SLC22A23: variants seen among roughly 807,000 people sequenced by gnomAD.
SLC22A23 encodes solute carrier family 22 member 23.
A neutral mutation model predicts 61.0 loss-of-function variants in SLC22A23; 26 were observed. That is an observed-to-expected ratio of 0.43 (90% CI 0.31 to 0.59). The LOEUF is 0.59. Among genes scored for constraint, SLC22A23 ranks in the 20% least tolerant of loss-of-function variants. SLC22A23 has a pLI of 0.11. For missense variants in SLC22A23, 796 were observed against 934.7 expected (o/e 0.85, Z 1.94); for synonymous variants, 430 against 413.9 (o/e 1.04, Z -0.47).
chr6:3,323,533 G>T, intron 4 of SLC22A23: 1 of 474,012 alleles, frequency 2.1e-6, no homozygotes, highest in South Asian at 2.0e-5. Flanking sequence ...ATTCATGTCA[G>T]AATAACCCCG....
At chr6:3,451,350 C>G (rs1419689982) in intron 1 of SLC22A23, among the ~76,000 whole-genome samples, 1 of 152,196 alleles carries the variant, frequency 6.6e-6, no homozygotes, top group East Asian at 1.9e-4. Flanking sequence ...GCGTGCGCCA[C>G]CACGCCCAGC....
At chr6:3,369,488 C>G (rs569009467) in intron 3 of SLC22A23, among the ~76,000 whole-genome samples, 1 of 152,166 alleles carries the variant, frequency 6.6e-6, no homozygotes, top group South Asian at 2.1e-4. Context: ...CTGAAGAGTT[C>G]GAGACCAGCC....
intron 9 of SLC22A23, among the ~76,000 whole-genome samples, chr6:3,275,730 G>C (rs749785910): frequency 2.0e-5 from 3 of 152,146 alleles, no homozygotes; most frequent in Non-Finnish European, 4.4e-5. Context: ...CTATAGGCGC[G>C]TGCCACCATG....
At chr6:3,412,092 G>A (rs1025889096) in intron 2 of SLC22A23, among the ~76,000 whole-genome samples, 3 of 152,148 alleles carry the variant, frequency 2.0e-5, no homozygotes, top group Non-Finnish European at 4.4e-5. Flanking sequence ...CAGATGCAAC[G>A]CCTGGCGCAG....
rs781457847 is a variant in SLC22A23, at chr6:3,283,906, G to A, written c.1649C>T (p.Ala550Val). 32 of 1,611,644 alleles carry A rather than the reference G, an allele frequency of 2.0e-5. No individual in the cohort carries two copies. The highest frequency in any genetic ancestry group is 2.7e-5 in the African/African-American group (2 of 74,910). Residue 550 changes from alanine to valine, a missense_variant, in exon 9 of 10, where the codon GCG becomes GTG. Coordinates refer to ENST00000406686, the MANE Select transcript of SLC22A23 (RefSeq NM_015482.2). ...FSIVGMFASH[A>V]VGSLSVFFCA... is the part of the protein sequence containing the mutation. The stretch of plus-strand genomic sequence containing the variant: ...GAAGAACACGCTGAGGCTCCCCACC[G>A]CATGGGAGGCAAACATGCCCACGAT...
intron 3 of SLC22A23, among the ~76,000 whole-genome samples, chr6:3,344,100 A>C (rs1299356295): frequency 6.6e-6 from 1 of 152,220 alleles, no homozygotes; most frequent in Non-Finnish European, 1.5e-5. Flanking sequence ...TACAGTGGTC[A>C]CATATGGCTA....
At chr6:3,404,953 A>C (rs1768695627) in intron 3 of SLC22A23, among the ~76,000 whole-genome samples, 1 of 145,766 alleles carries the variant, frequency 6.9e-6, no homozygotes, top group Non-Finnish European at 1.5e-5. Context: ...ATTCCTTTGA[A>C]GCTTAAAAAA....
In SLC22A23 at chr6:3,273,121, G is replaced by A. The variant is rs1194584346; in HGVS notation, c.1995C>T (p.His665=). Residue 665 remains histidine, a synonymous_variant, in exon 10 of 10, where the codon CAC becomes CAT. Coordinates refer to ENST00000406686, the MANE Select transcript of SLC22A23 (RefSeq NM_015482.2). ...GTGTGTCACCCGCGGCTGCGGCATC[G>A]TGGAGGCCCGAGTAGTCCTTGAGCT... ...NAELKDYSGL[H]DAAAAGDTLP... The A allele has an allele frequency of 2.3e-5, 37 of 1,605,484 alleles. No homozygotes were observed. The highest frequency in any genetic ancestry group is 2.8e-5 in the Non-Finnish European group (33 of 1,177,876).
chr6:3,434,766 G>A lies in SLC22A23; in HGVS notation c.655-18911C>T, dbSNP rs571671188. Among the ~76,000 whole-genome samples, 8 of 152,274 alleles carry A rather than the reference G, an allele frequency of 5.3e-5. No individual in the cohort carries two copies. In the East Asian group the frequency reaches 7.7e-4, roughly 15 times the overall value. ...CGAGGGGTGTGGCCAATCCACCAAC[G>A]GAATAACCGCAATGCCTGGATCAAC... On this transcript the variant is annotated intron_variant, in intron 1 of 9. Coordinates refer to ENST00000406686, the MANE Select transcript of SLC22A23 (RefSeq NM_015482.2).
Position 3,324,549 on chromosome 6 carries a change from C to CATGAG in SLC22A23, c.914-548_914-547insCTCAT. ...CACTCCGAGTTCCAGGCAACCTACTCACACTGTGAGACAGAGGGAGACTGA... is the reference window on the plus strand; with the variant it reads ...CACTCCGAGTTCCAGGCAACCTACTCATGAGACACTGTGAGACAGAGGGAGACTGA... On this transcript the variant is annotated intron_variant, in intron 3 of 9. Transcript: ENST00000406686. This position sits in a 1 kb window ranked among gnomAD's most constrained non-coding sequence, Gnocchi z 4.3. Among the ~76,000 whole-genome samples the CATGAG allele has an allele frequency of 1.3e-5, 2 of 152,302 alleles. No individual in the cohort carries two copies. The highest frequency in any genetic ancestry group is 4.1e-4 in the South Asian group (2 of 4,830).
At chr6:3,436,797 A>G (rs562997787) in intron 1 of SLC22A23, among the ~76,000 whole-genome samples, 1 of 152,296 alleles carries the variant, frequency 6.6e-6, no homozygotes, top group Admixed American at 6.5e-5. Flanking sequence ...ATGTTAACAC[A>G]CTGCTCAGGA....
intron 6 of SLC22A23, among the ~76,000 whole-genome samples, chr6:3,288,202 C>T (rs948611543): frequency 2.6e-5 from 4 of 152,160 alleles, no homozygotes; most frequent in Non-Finnish European, 5.9e-5. Context: ...GTGATGCACC[C>T]GTGGTGCCTC....
rs754623551 is a variant in SLC22A23, at chr6:3,360,278, A to G, written c.914-36276T>C. 1.8e-4 allele frequency among the ~76,000 whole-genome samples: 27 copies of G among 152,278 alleles called. No individual in the cohort carries two copies. The highest frequency in any genetic ancestry group is 3.5e-4 in the Non-Finnish European group (24 of 68,050). On this transcript the variant is annotated intron_variant, in intron 3 of 9. Coordinates refer to ENST00000406686, the MANE Select transcript of SLC22A23 (RefSeq NM_015482.2). The surrounding 1 kb of genome is among the most constrained non-coding windows in gnomAD (Gnocchi z 4.6). Reference sequence around the variant, plus strand: ...ATTTTTATGCTATGTTTATTTTACCATGATAAAACAAACACCCCCCTCCAA... The same window carrying G: ...ATTTTTATGCTATGTTTATTTTACCGTGATAAAACAAACACCCCCCTCCAA...
intron 1 of SLC22A23, among the ~76,000 whole-genome samples, chr6:3,452,611 A>T (rs1323225067): frequency 1.2e-4 from 2 of 16,452 alleles, no homozygotes; most frequent in African/African-American, 4.9e-4. Flanking sequence ...AAAAAAAAAA[A>T]AAAAAAAAAA....
chr6:3,362,130 G>A (rs1458444714), intron 3 of SLC22A23, among the ~76,000 whole-genome samples: 1 of 151,962 alleles, frequency 6.6e-6, no homozygotes, highest in Non-Finnish European at 1.5e-5. Flanking sequence ...GCGGCCAGGT[G>A]TGGTGGCTCA....
chr6:3,434,764 A>G (rs1306684031), intron 1 of SLC22A23, among the ~76,000 whole-genome samples: 1 of 152,182 alleles, frequency 6.6e-6, no homozygotes, highest in Non-Finnish European at 1.5e-5. Flanking sequence ...CAATCCACCA[A>G]CGGAATAACC....
chr6:3,329,390 A>G lies in SLC22A23; in HGVS notation c.914-5388T>C, dbSNP rs1003469493. ...GAATATACATTTTCTTGGGATTGCT[A>G]AGTGCTCCTGGCTTCTCTGAAATGA... is the stretch of plus-strand genomic sequence containing the variant. On this transcript the variant is annotated intron_variant, in intron 3 of 9. Transcript: ENST00000406686. The surrounding 1 kb of genome is among the most constrained non-coding windows in gnomAD (Gnocchi z 4.8). Among the ~76,000 whole-genome samples, 4 of 152,174 alleles carry G rather than the reference A, an allele frequency of 2.6e-5. No individual in the cohort carries two copies. The highest frequency in any genetic ancestry group is 9.7e-5 in the African/African-American group (4 of 41,432).
At chr6:3,275,107 G>A (rs558784238) in intron 9 of SLC22A23, among the ~76,000 whole-genome samples, 34 of 152,352 alleles carry the variant, frequency 2.2e-4, no homozygotes, top group Non-Finnish European at 4.3e-4. Flanking sequence ...AGGCAGTGTG[G>A]TGTTGGTGTA....
At chr6:3,452,423 C>T (rs925204692) in intron 1 of SLC22A23, among the ~76,000 whole-genome samples, 1 of 151,542 alleles carries the variant, frequency 6.6e-6, no homozygotes, top group African/African-American at 2.4e-5. Flanking sequence ...CAAGACCCCC[C>T]TCTCTACAAA....
Sources: allele counts gnomAD v4.1 joint callset (sites outside exome capture counted in the v4.1 genomes callset), GRCh38; gene constraint gnomAD v4.1.1; non-coding constraint Gnocchi (gnomAD v3.1); transcripts MANE v1.5; gene names NCBI Gene and HGNC (gene_info 2026-07-23, HGNC 2026-07-21).